Variants in THSD7B observed in about 807,000 individuals in gnomAD.
The protein encoded by THSD7B is thrombospondin type-1 domain-containing protein 7B.
A neutral mutation model predicts 213.6 loss-of-function variants in THSD7B; 138 were observed. That is an observed-to-expected ratio of 0.65 (90% CI 0.56 to 0.74). THSD7B has a LOEUF of 0.74. THSD7B is among the 30% of genes least tolerant of loss of function. The probability of loss-of-function intolerance (pLI) is 0.00; values close to 1 mark genes in which losing one functional copy is unlikely to be tolerated. For missense variants in THSD7B, 1,931 were observed against 1,991.5 expected (o/e 0.97, Z 0.58); for synonymous variants, 742 against 687.0 (o/e 1.08, Z -1.25).
chr2:137,365,516 A>G (rs1163619349), intron 12 of THSD7B, among the ~76,000 whole-genome samples: 1 of 152,226 alleles, frequency 6.6e-6, no homozygotes, highest in African/African-American at 2.4e-5. Context: ...AATATCCAGA[A>G]TCTACAAAGA....
chr2:137,219,379 A>G (rs557668596), intron 7 of THSD7B, among the ~76,000 whole-genome samples: 63 of 152,270 alleles, frequency 4.1e-4, no homozygotes, highest in African/African-American at 1.5e-3. Context: ...GAGCTCTACA[A>G]ATTTTTCATA....
intron 15 of THSD7B, among the ~76,000 whole-genome samples, chr2:137,482,748 A>G (rs549286769): frequency 3.3e-4 from 49 of 147,454 alleles, no homozygotes; most frequent in African/African-American, 1.2e-3. Context: ...TTCCTTTTTT[A>G]GTGTGTACTC....
intron 20 of THSD7B, among the ~76,000 whole-genome samples, chr2:137,641,499 C>T (rs1682936440): frequency 6.6e-6 from 1 of 152,242 alleles, no homozygotes; most frequent in African/African-American, 2.4e-5. Context: ...TATAACAACA[C>T]TGGAAGTCCA....
intron 6 of THSD7B, among the ~76,000 whole-genome samples, chr2:137,168,995 G>A (rs1349488986): frequency 1.3e-5 from 2 of 151,860 alleles, no homozygotes; most frequent in Non-Finnish European, 2.9e-5. Context: ...GAGGTATGGA[G>A]GTATAAAGCA....
At chr2:137,284,614 G>C (rs1358017901) in intron 12 of THSD7B, among the ~76,000 whole-genome samples, 1 of 152,002 alleles carries the variant, frequency 6.6e-6, no homozygotes, top group Non-Finnish European at 1.5e-5. Context: ...TGTTGTCGTT[G>C]GTTTCAAAGA....
At chr2:136,966,137 G>T (rs1161074147) in intron 2 of THSD7B, among the ~76,000 whole-genome samples, 4 of 152,092 alleles carry the variant, frequency 2.6e-5, no homozygotes, top group Non-Finnish European at 5.9e-5. Context: ...TGGTCTCAGG[G>T]ATCTTGCTGT....
At chr2:136,921,827 T>A (rs556977836) in intron 2 of THSD7B, among the ~76,000 whole-genome samples, 118 of 152,284 alleles carry the variant, frequency 7.7e-4, no homozygotes, top group African/African-American at 2.7e-3. Context: ...CTCCCTAGAT[T>A]GTGGAAGCTC....
At chr2:137,030,050 T>G (rs968523205) in intron 2 of THSD7B, among the ~76,000 whole-genome samples, 2 of 151,812 alleles carry the variant, frequency 1.3e-5, no homozygotes, top group African/African-American at 4.8e-5. Context: ...ACAAGGATTT[T>G]CTGGTGCATC....
At chr2:136,984,251 G>A (rs1685633714) in intron 2 of THSD7B, among the ~76,000 whole-genome samples, 1 of 152,210 alleles carries the variant, frequency 6.6e-6, no homozygotes, top group East Asian at 1.9e-4. Context: ...ATATGGTCTG[G>A]ATGTTTGTCC....
chr2:137,023,805 G>C (rs1253209574), intron 2 of THSD7B, among the ~76,000 whole-genome samples: 2 of 152,124 alleles, frequency 1.3e-5, no homozygotes, highest in Non-Finnish European at 2.9e-5. Flanking sequence ...TGGAGGAATT[G>C]TGACATTTTT....
intron 13 of THSD7B, among the ~76,000 whole-genome samples, chr2:137,407,431 G>T (rs1234478773): frequency 1.3e-5 from 2 of 151,782 alleles, no homozygotes; most frequent in African/African-American, 4.8e-5. Flanking sequence ...TGAAATACAT[G>T]AGTTTTTTTA....
chr2:137,036,657 G>T (rs944005876), intron 2 of THSD7B, among the ~76,000 whole-genome samples: 8 of 152,144 alleles, frequency 5.3e-5, no homozygotes, highest in Non-Finnish European at 1.0e-4. Flanking sequence ...AATCAAAATA[G>T]TGTGCACATT....
chr2:137,570,105 A>T (rs1205312935), intron 16 of THSD7B, among the ~76,000 whole-genome samples: 1 of 151,872 alleles, frequency 6.6e-6, no homozygotes, highest in African/African-American at 2.4e-5. Context: ...GTCCATAGTT[A>T]TTAAAGTCCA....
chr2:136,824,191 C>A (rs187041918), intron 1 of THSD7B, among the ~76,000 whole-genome samples: 1 of 152,074 alleles, frequency 6.6e-6, no homozygotes, highest in Non-Finnish European at 1.5e-5. Context: ...TGCTTTGTCA[C>A]TTCTCTGCTT....
intron 2 of THSD7B, among the ~76,000 whole-genome samples, chr2:136,905,414 A>G (rs1219632625): frequency 6.6e-6 from 1 of 152,236 alleles, no homozygotes; most frequent in Non-Finnish European, 1.5e-5. Flanking sequence ...TGTCAAAAGC[A>G]TTATGAGAAG....
intron 7 of THSD7B, among the ~76,000 whole-genome samples, chr2:137,185,744 G>T (rs573247616): frequency 6.6e-6 from 1 of 151,974 alleles, no homozygotes; most frequent in African/African-American, 2.4e-5. Flanking sequence ...ATTTTCCTTT[G>T]GCTATATACT....
chr2:137,461,281 A>G (rs1687878715), intron 15 of THSD7B, among the ~76,000 whole-genome samples: 1 of 152,154 alleles, frequency 6.6e-6, no homozygotes, highest in African/African-American at 2.4e-5. Context: ...CAATTTCAGT[A>G]AGCAATTGGC....
chr2:136,803,161 A>G (rs1034539090), intron 1 of THSD7B, among the ~76,000 whole-genome samples: 2 of 152,094 alleles, frequency 1.3e-5, no homozygotes, highest in Non-Finnish European at 2.9e-5. Context: ...ACCCACACAC[A>G]CACACATGCA....
chr2:136,901,225 G>T (rs1335246644), intron 2 of THSD7B, among the ~76,000 whole-genome samples: 1 of 152,166 alleles, frequency 6.6e-6, no homozygotes, highest in African/African-American at 2.4e-5. Context: ...ATGCTGTGCT[G>T]TGAGAGTTAC....
Sources: gnomAD v4.1 joint callset for allele counts (sites outside exome capture counted in the v4.1 genomes callset) on GRCh38, gnomAD v4.1.1 for gene constraint, MANE v1.5 for transcripts, NCBI Gene and HGNC (gene_info 2026-07-23, HGNC 2026-07-21) for gene names.